Variants in REDIC1 observed in about 807,000 individuals in gnomAD.
REDIC1 encodes HEI10 Interacting Protein 1.
the REDIC1 span, chr12:39,682,601 T>G: frequency 2.0e-6 from 3 of 1,520,074 alleles, no homozygotes; most frequent in Admixed American, 6.7e-5. Flanking sequence ...TGTTTTTGTT[T>G]ATCCCAAAGT....
chr12:39,691,978 T>C, the REDIC1 span: 1 of 1,321,502 alleles, frequency 7.6e-7, no homozygotes, highest in Non-Finnish European at 1.0e-6. Flanking sequence ...ATTGGTAGTG[T>C]AAATAAGGTA....
At chr12:39,892,816 T>G in the REDIC1 span, among the ~76,000 whole-genome samples, 1 of 152,080 alleles carries the variant, frequency 6.6e-6, no homozygotes, top group African/African-American at 2.4e-5. Flanking sequence ...TGACAGAAGA[T>G]GAAAAGTAAA....
chr12:39,660,462 T>A, the REDIC1 span, among the ~76,000 whole-genome samples: 4 of 152,158 alleles, frequency 2.6e-5, no homozygotes, highest in Non-Finnish European at 5.9e-5. Context: ...GCTCACCTGG[T>A]CTCCTCTGAC....
the REDIC1 span, among the ~76,000 whole-genome samples, chr12:39,680,546 A>G: frequency 1.3e-5 from 2 of 152,220 alleles, no homozygotes; most frequent in South Asian, 4.1e-4. Context: ...AAACTAGTAC[A>G]ACCACTATGG....
chr12:39,904,747 G>GA, the REDIC1 span, among the ~76,000 whole-genome samples: 1 of 152,248 alleles, frequency 6.6e-6, no homozygotes, highest in South Asian at 2.1e-4. Context: ...AGGGGAACTA[G>GA]AAAATGTTCT....
At chr12:39,719,564 T>A in the REDIC1 span, among the ~76,000 whole-genome samples, 4 of 151,970 alleles carry the variant, frequency 2.6e-5, no homozygotes, top group Non-Finnish European at 5.9e-5. Context: ...CAGTGAGCCA[T>A]GATTGTGCCA....
At chr12:39,866,168 G>A in the REDIC1 span, among the ~76,000 whole-genome samples, 1 of 152,146 alleles carries the variant, frequency 6.6e-6, no homozygotes, top group Non-Finnish European at 1.5e-5. Context: ...TTTAAATTAT[G>A]AACAAAAATA....
At chr12:39,731,448 A>G in the REDIC1 span, among the ~76,000 whole-genome samples, 1 of 152,168 alleles carries the variant, frequency 6.6e-6, no homozygotes, top group Non-Finnish European at 1.5e-5. Context: ...GGTCCACTCC[A>G]GGCCCTGTTT....
the REDIC1 span, among the ~76,000 whole-genome samples, chr12:39,730,358 A>T: frequency 6.6e-6 from 1 of 152,180 alleles, no homozygotes; most frequent in Non-Finnish European, 1.5e-5. Flanking sequence ...CCTGGTGGTG[A>T]CAAAAATTTT....
At chr12:39,743,058 A>G in the REDIC1 span, among the ~76,000 whole-genome samples, 1 of 16,976 alleles carries the variant, frequency 5.9e-5, no homozygotes, top group Admixed American at 8.4e-4. Flanking sequence ...TAGAGTGACG[A>G]TGGGAGAAAA....
the REDIC1 span, among the ~76,000 whole-genome samples, chr12:39,898,198 G>T: frequency 6.6e-6 from 1 of 152,070 alleles, no homozygotes; most frequent in Non-Finnish European, 1.5e-5. Flanking sequence ...AATATGATGG[G>T]TTTAATGTCT....
chr12:39,722,893 T>C, the REDIC1 span, among the ~76,000 whole-genome samples: 1 of 152,132 alleles, frequency 6.6e-6, no homozygotes, highest in African/African-American at 2.4e-5. Flanking sequence ...TTTATTTGCC[T>C]AGGAAGCTTG....
the REDIC1 span, among the ~76,000 whole-genome samples, chr12:39,713,303 CACAT>C: frequency 1.1e-3 from 16 of 14,412 alleles, no homozygotes; most frequent in Non-Finnish European, 4.8e-3. Context: ...TGTGTACACA[CACAT>C]ACGTGTATAT....
At chr12:39,646,996 G>A in the REDIC1 span, 1 of 692,350 alleles carries the variant, frequency 1.4e-6, no homozygotes, top group Non-Finnish European at 2.3e-6. Context: ...AAAATTTTGA[G>A]TCTTTAATTC....
the REDIC1 span, among the ~76,000 whole-genome samples, chr12:39,701,892 G>T: frequency 3.7e-4 from 57 of 152,080 alleles, no homozygotes; most frequent in South Asian, 1.0e-3. Context: ...TGAAACCAAC[G>T]AGAACAAAGA....
the REDIC1 span, among the ~76,000 whole-genome samples, chr12:39,698,376 C>G: frequency 2.0e-5 from 3 of 151,404 alleles, no homozygotes; most frequent in Admixed American, 6.6e-5. Flanking sequence ...GAGGAAGAGA[C>G]ACACTCCCAA....
At chr12:39,848,020 G>C in the REDIC1 span, among the ~76,000 whole-genome samples, 4 of 152,062 alleles carry the variant, frequency 2.6e-5, no homozygotes, top group African/African-American at 9.7e-5. Flanking sequence ...TTAGCATTCA[G>C]TAATGTGTGC....
At chr12:39,639,426 A>C in the REDIC1 span, among the ~76,000 whole-genome samples, 5 of 152,022 alleles carry the variant, frequency 3.3e-5, no homozygotes, top group Non-Finnish European at 7.4e-5. Flanking sequence ...TGAGAAGTAT[A>C]TTAAAGAACA....
chr12:39,891,801 T>C, the REDIC1 span, among the ~76,000 whole-genome samples: 1 of 152,184 alleles, frequency 6.6e-6, no homozygotes. Flanking sequence ...AGGCTCAACA[T>C]TTATCTACAG....
Sources: allele counts gnomAD v4.1 joint callset (sites outside exome capture counted in the v4.1 genomes callset), GRCh38; gene constraint gnomAD v4.1.1; transcripts MANE v1.5; gene names NCBI Gene and HGNC (gene_info 2026-07-23, HGNC 2026-07-21).